The following HRK variants were observed in gnomAD, a reference collection of about 807,000 sequenced individuals.
HRK encodes harakiri, BCL2 interacting protein.
Under a neutral mutation model 5.9 loss-of-function variants are expected in HRK, and 6 were observed. The ratio of observed to expected loss-of-function variants is 1.02; its 90% confidence interval spans 0.56 to 2.01. HRK has a LOEUF of 2.01. Among genes scored for constraint, HRK ranks in the 30% most tolerant of loss-of-function variants. HRK has a pLI of 0.00. For synonymous variants in HRK, 85 were observed against 65.1 expected, an observed-to-expected ratio of 1.31 and a Z score of -1.47; for missense variants, 133 against 128.3, an observed-to-expected ratio of 1.04 and a Z score of -0.18.
intron 1 of HRK, among the ~76,000 whole-genome samples, chr12:116,861,890 CTTTTG>C (rs1878380035): frequency 6.6e-6 from 1 of 152,182 alleles, no homozygotes; most frequent in African/African-American, 2.4e-5. Context: ...TCTCTGTTCT[CTTTTG>C]TTTGTTTGTT....
chr12:116,876,955 G>A (rs905693393), intron 1 of HRK, among the ~76,000 whole-genome samples: 1 of 152,222 alleles, frequency 6.6e-6, no homozygotes, highest in African/African-American at 2.4e-5. Flanking sequence ...GATCACTTAG[G>A]TGGATGCTCT....
intron 1 of HRK, 145 bp downstream of exon 1, chr12:116,880,831 G>T: frequency 3.0e-6 from 1 of 334,642 alleles, no homozygotes; most frequent in Non-Finnish European, 5.4e-6. Flanking sequence ...AGGAGAGGTG[G>T]AGATGCTTGC....
At position 116,881,346 on chromosome 12, in the gene HRK, C is replaced by A. The variant is rs1281608990; in HGVS notation, c.-39G>T. 3 of 1,058,966 alleles carry A rather than the reference C, an allele frequency of 2.8e-6. No individual in the cohort carries two copies. Among genetic ancestry groups the A allele is most frequent in the South Asian group, 4.4e-5 (1 of 22,576 alleles). The allele number at this position is 1,058,966 out of a possible 1,614,324, so 65.6% of individuals were successfully genotyped here. A position where few individuals can be genotyped will look rare whatever the true frequency, so the allele number is the denominator to read the frequency against. ...GCTCCCGCCCCGCGCTCGGGCCGCC[C>A]CTCGCCTCCTCTCCCTCCGGCCTCT... On this transcript the variant is annotated 5_prime_UTR_variant, in exon 1 of 2. Transcript: ENST00000257572.
rs1039647121 is a variant in HRK at position 116,878,580 on chromosome 12, G to C, written c.*56+2396C>G. On this transcript the variant is annotated intron_variant, in intron 1 of 1. Coordinates refer to ENST00000257572, the MANE Select transcript of HRK (RefSeq NM_003806.4). This position sits in a 1 kb window ranked among gnomAD's most constrained non-coding sequence, Gnocchi z 4.4. Reference sequence around the variant, plus strand: ...AGAACTTGATCAGGGCCAGTGCAGGGAGCCCGAGCACTGAGAACCCGGCCT... The same window carrying C: ...AGAACTTGATCAGGGCCAGTGCAGGCAGCCCGAGCACTGAGAACCCGGCCT... 4 of 152,712 alleles carry C rather than the reference G, an allele frequency of 2.6e-5. No homozygotes were observed. Among genetic ancestry groups the C allele is most frequent in the Non-Finnish European group, 1.5e-5 (1 of 68,458 alleles). The allele number at this position is 152,712 out of a possible 1,614,324, so 9.5% of individuals were successfully genotyped here.
At chr12:116,880,112 C>T (rs1271327670) in intron 1 of HRK, among the ~76,000 whole-genome samples, 1 of 152,010 alleles carries the variant, frequency 6.6e-6, no homozygotes, top group Non-Finnish European at 1.5e-5. Flanking sequence ...ACCAACCACA[C>T]TAGGTGCTCA....
At position 116,857,091 on chromosome 12, in the gene HRK, C is replaced by A. The variant is rs1411838495; in HGVS notation, c.*4432G>T. ...CTCTCAGTAAATACTATATAACAATCTGCCAGCAAAGCTTGGGGTCACAGT... is the reference window on the plus strand; with the variant it reads ...CTCTCAGTAAATACTATATAACAATATGCCAGCAAAGCTTGGGGTCACAGT... On this transcript the variant is annotated 3_prime_UTR_variant, in exon 2 of 2. Coordinates refer to ENST00000257572, the MANE Select transcript of HRK (RefSeq NM_003806.4). 1 of 152,198 alleles carries A rather than the reference C, an allele frequency of 6.6e-6. No homozygotes were observed. The highest frequency in any genetic ancestry group is 1.9e-4 in the East Asian group (1 of 5,186). 9.4% of individuals were successfully genotyped at this position (152,198 alleles called of 1,614,324 possible).
At chr12:116,867,077 C>A (rs1304735596) in intron 1 of HRK, among the ~76,000 whole-genome samples, 1 of 151,860 alleles carries the variant, frequency 6.6e-6, no homozygotes, top group African/African-American at 2.4e-5. Flanking sequence ...ATCACTTGAG[C>A]CCAGGAGTTC....
chr12:116,866,832 C>T (rs967562404), intron 1 of HRK, among the ~76,000 whole-genome samples: 5 of 152,058 alleles, frequency 3.3e-5, no homozygotes, highest in African/African-American at 7.2e-5. Flanking sequence ...AGAATCAACG[C>T]CAAAACAAAC....
In HRK at chr12:116,857,464, G is replaced by A. The variant is rs1368854064; in HGVS notation, c.*4059C>T. The A allele has an allele frequency of 1.3e-5, 2 of 152,160 alleles. No individual in the cohort carries two copies. The highest frequency in any genetic ancestry group is 6.5e-5 in the Admixed American group (1 of 15,272). 9.4% of individuals were successfully genotyped at this position (152,160 alleles called of 1,614,324 possible). ...CAGAAAAGAAATGGGTATTGACACAGAAGAGCAAAATCTGTGTTCTGGTCA... is the reference window on the plus strand; with the variant it reads ...CAGAAAAGAAATGGGTATTGACACAAAAGAGCAAAATCTGTGTTCTGGTCA... On this transcript the variant is annotated 3_prime_UTR_variant, in exon 2 of 2. Coordinates refer to ENST00000257572, the MANE Select transcript of HRK (RefSeq NM_003806.4).
At chr12:116,867,303 C>T (rs946070421) in intron 1 of HRK, among the ~76,000 whole-genome samples, 2 of 150,790 alleles carry the variant, frequency 1.3e-5, no homozygotes, top group Non-Finnish European at 2.9e-5. Flanking sequence ...CACCATGCCC[C>T]GCTATTTTTT....
intron 1 of HRK, among the ~76,000 whole-genome samples, chr12:116,874,750 T>G (rs1013530606): frequency 6.6e-6 from 1 of 152,166 alleles, no homozygotes; most frequent in African/African-American, 2.4e-5. Context: ...TGTGTCAGAA[T>G]CCGGCTGCCA....
intron 1 of HRK, among the ~76,000 whole-genome samples, chr12:116,871,371 C>T (rs1007039068): frequency 6.6e-6 from 1 of 151,656 alleles, no homozygotes; most frequent in Non-Finnish European, 1.5e-5. Flanking sequence ...GGCACGATCT[C>T]GGCTCACTGC....
At chr12:116,874,448 TC>T (rs933645823) in intron 1 of HRK, among the ~76,000 whole-genome samples, 28 of 152,274 alleles carry the variant, frequency 1.8e-4, no homozygotes, top group African/African-American at 6.3e-4. Flanking sequence ...CCTGGGGCAC[TC>T]TCTATTGTGT....
intron 1 of HRK, among the ~76,000 whole-genome samples, chr12:116,877,689 G>A (rs576006111): frequency 2.0e-5 from 3 of 152,176 alleles, no homozygotes; most frequent in Non-Finnish European, 4.4e-5. Flanking sequence ...TTCCGTGTAT[G>A]AATTCATTTA....
intron 1 of HRK, among the ~76,000 whole-genome samples, chr12:116,870,779 AAC>A (rs905457218): frequency 4.6e-5 from 7 of 152,206 alleles, no homozygotes; most frequent in African/African-American, 1.4e-4. Flanking sequence ...CAGCCTGGGC[AAC>A]AGAGAGACCC....
At chr12:116,871,405 C>T (rs1156851816) in intron 1 of HRK, among the ~76,000 whole-genome samples, 4 of 151,292 alleles carry the variant, frequency 2.6e-5, no homozygotes, top group African/African-American at 7.3e-5. Context: ...CAGATTCAAG[C>T]GATTCTCTTG....
At chr12:116,874,920 C>G (rs181917562) in intron 1 of HRK, among the ~76,000 whole-genome samples, 2 of 152,258 alleles carry the variant, frequency 1.3e-5, no homozygotes, top group African/African-American at 4.8e-5. Context: ...ACAAGTCACC[C>G]CCACTATGCC....
chr12:116,881,125 C>T lies in HRK; in HGVS notation c.183G>A (p.Ala61=). 1 of 1,216,824 alleles carries T rather than the reference C, an allele frequency of 8.2e-7. No homozygotes were observed. The highest frequency in any genetic ancestry group is 1.6e-5 in the African/African-American group (1 of 63,114). 75.4% of individuals were successfully genotyped at this position (1,216,824 alleles called of 1,614,324 possible). A position where few individuals can be genotyped will look rare whatever the true frequency, so the allele number is the denominator to read the frequency against. The part of the protein sequence containing the change: ...RRRARSRRAP[A]PGALPTYWPW... ...GCCAGTAGGTGGGGAGCGCGCCGGG[C>T]GCCGGCGCCCTCCGGCTCCGCGCGC... The change falls in exon 1 of 2, where the codon GCG becomes GCA. Residue 61 remains alanine, a synonymous_variant. Coordinates refer to ENST00000257572, the MANE Select transcript of HRK (RefSeq NM_003806.4).
chr12:116,875,582 C>T (rs1159334181), intron 1 of HRK, among the ~76,000 whole-genome samples: 2 of 152,110 alleles, frequency 1.3e-5, no homozygotes, highest in Non-Finnish European at 2.9e-5. Flanking sequence ...CTCATTCTGT[C>T]GCCCAGGCTA....
Sources: gnomAD v4.1 joint callset for allele counts (sites outside exome capture counted in the v4.1 genomes callset) on GRCh38, gnomAD v4.1.1 for gene constraint, Gnocchi (gnomAD v3.1) non-coding constraint, MANE v1.5 for transcripts, NCBI Gene and HGNC (gene_info 2026-07-23, HGNC 2026-07-21) for gene names.